THRB: variants seen among roughly 807,000 people sequenced by gnomAD.
THRB encodes the protein thyroid hormone receptor beta, also known as nuclear receptor subfamily 1 group A member 2.
A neutral mutation model predicts 47.8 loss-of-function variants in THRB; 12 were observed. The ratio of observed to expected loss-of-function variants is 0.25; its 90% confidence interval spans 0.16 to 0.41. The LOEUF (loss-of-function observed/expected upper bound fraction) is 0.41. Among genes scored for constraint, THRB ranks in the 10% least tolerant of loss-of-function variants. THRB has a pLI of 1.00. For synonymous variants in THRB, 218 were observed against 212.2 expected (o/e 1.03, Z -0.24); for missense variants, 348 against 589.2 (o/e 0.59, Z 4.24).
At chr3:24,223,749 AATAT>A (rs1219837070) in intron 4 of THRB, among the ~76,000 whole-genome samples, 2 of 152,106 alleles carry the variant, frequency 1.3e-5, no homozygotes, top group African/African-American at 4.8e-5. Flanking sequence ...AATTGAGAAA[AATAT>A]ATATACTGTT....
intron 1 of THRB, among the ~76,000 whole-genome samples, chr3:24,380,809 G>A (rs1443618729): frequency 1.3e-5 from 2 of 152,048 alleles, no homozygotes; most frequent in Non-Finnish European, 2.9e-5. Context: ...TATTGCCAAG[G>A]TCACACGGTC....
intron 1 of THRB, among the ~76,000 whole-genome samples, chr3:24,396,665 G>A (rs990181893): frequency 2.0e-5 from 3 of 152,110 alleles, no homozygotes; most frequent in African/African-American, 7.2e-5. Flanking sequence ...CAAGTAACCT[G>A]TGTGTTTAGG....
chr3:24,303,976 C>T (rs1353058185), intron 2 of THRB, among the ~76,000 whole-genome samples: 3 of 152,028 alleles, frequency 2.0e-5, no homozygotes, highest in Admixed American at 1.3e-4. Context: ...TTTGAGATGG[C>T]TTTGGAATGT....
intron 3 of THRB, among the ~76,000 whole-genome samples, chr3:24,239,656 A>G (rs1489966039): frequency 1.3e-5 from 2 of 152,036 alleles, no homozygotes; most frequent in Non-Finnish European, 2.9e-5. Context: ...AGGTCTGGGT[A>G]GGAAGGTTAT....
chr3:24,348,056 A>G (rs1350953658), intron 1 of THRB, among the ~76,000 whole-genome samples: 1 of 152,146 alleles, frequency 6.6e-6, no homozygotes, highest in Non-Finnish European at 1.5e-5. Flanking sequence ...ATCAACTAGT[A>G]TTTTTTATGA....
chr3:24,341,571 A>G (rs1379550158), intron 1 of THRB, among the ~76,000 whole-genome samples: 1 of 152,128 alleles, frequency 6.6e-6, no homozygotes, highest in Admixed American at 6.5e-5. Flanking sequence ...AGTATTGTTA[A>G]CAATAGGCAC....
chr3:24,310,734 G>T (rs1425647451), intron 2 of THRB, among the ~76,000 whole-genome samples: 1 of 152,116 alleles, frequency 6.6e-6, no homozygotes, highest in Admixed American at 6.5e-5. Context: ...TCACCATTGG[G>T]TATGGGGTTT....
intron 2 of THRB, among the ~76,000 whole-genome samples, chr3:24,301,963 A>T (rs1040459634): frequency 6.6e-6 from 1 of 152,094 alleles, no homozygotes; most frequent in South Asian, 2.1e-4. Flanking sequence ...AAGAAAGTTG[A>T]TTCTCCCTCA....
intron 1 of THRB, among the ~76,000 whole-genome samples, chr3:24,392,660 C>T (rs2066661071): frequency 6.6e-6 from 1 of 152,004 alleles, no homozygotes; most frequent in South Asian, 2.1e-4. Context: ...TCAGCAGAAA[C>T]GGGGAGTGTA....
intron 2 of THRB, among the ~76,000 whole-genome samples, chr3:24,326,298 C>A: frequency 6.6e-6 from 1 of 152,182 alleles, no homozygotes. Flanking sequence ...TGCAATGGCA[C>A]AGTCTCGGCT....
chr3:24,183,726 C>T (rs578065672), intron 5 of THRB, among the ~76,000 whole-genome samples: 49 of 142,596 alleles, frequency 3.4e-4, no homozygotes, highest in African/African-American at 9.8e-4. Context: ...AAATATCTTT[C>T]ATCTTTACAA....
chr3:24,350,927 T>G (rs1304208195), intron 1 of THRB, among the ~76,000 whole-genome samples: 1 of 152,148 alleles, frequency 6.6e-6, no homozygotes, highest in Non-Finnish European at 1.5e-5. Context: ...ACAGCTTACA[T>G]CAGGGAAAAT....
At chr3:24,206,954 G>A (rs1173990626) in intron 4 of THRB, among the ~76,000 whole-genome samples, 1 of 152,096 alleles carries the variant, frequency 6.6e-6, no homozygotes, top group Non-Finnish European at 1.5e-5. Flanking sequence ...CCAGGAAGTT[G>A]AATCCCTGAA....
At chr3:24,377,532 G>A (rs183136031) in intron 1 of THRB, among the ~76,000 whole-genome samples, 1 of 152,266 alleles carries the variant, frequency 6.6e-6, no homozygotes, top group Admixed American at 6.5e-5. Context: ...TTTCATTTGT[G>A]CCCTTGGATT....
At chr3:24,471,453 G>A (rs2074563624) in intron 1 of THRB, among the ~76,000 whole-genome samples, 1 of 152,068 alleles carries the variant, frequency 6.6e-6, no homozygotes, top group South Asian at 2.1e-4. Context: ...TTAGAATTTG[G>A]GCCTCCAACA....
chr3:24,453,486 CATTTT>C lies in THRB; in HGVS notation c.-261+41161_-261+41165del, dbSNP rs533885896. The stretch of plus-strand genomic sequence containing the variant: ...TCACCTTACTCGTTTTCCACTGTCT[CATTTT>C]AGTTCAAGCTCACTGATTTTAGTCA... On this transcript the variant is annotated intron_variant, in intron 1 of 10. Coordinates refer to ENST00000646209, the MANE Select transcript of THRB (RefSeq NM_001354712.2). 1.2e-4 allele frequency among the ~76,000 whole-genome samples: 19 copies of C among 152,272 alleles called. 1 individual carries two copies. The South Asian group carries it at 3.9e-3, about 32-fold the overall frequency.
At position 24,228,067 on chromosome 3, in the gene THRB, A is replaced by G. The variant is rs567076681; in HGVS notation, c.22+871T>C. Reference sequence around the variant, plus strand: ...TTGCAAATTTGAAATCTCTGGACACATGGGGCTTCATTCCTTCTTGTCAGT... The same window carrying G: ...TTGCAAATTTGAAATCTCTGGACACGTGGGGCTTCATTCCTTCTTGTCAGT... On this transcript the variant is annotated intron_variant, in intron 4 of 10. Transcript: ENST00000646209. Among the ~76,000 whole-genome samples the G allele has an allele frequency of 8.5e-5, 13 of 152,340 alleles. No individual in the cohort carries two copies. The South Asian group carries it at 2.5e-3, about 29-fold the overall frequency.
intron 1 of THRB, among the ~76,000 whole-genome samples, chr3:24,423,434 A>T (rs867242996): frequency 1.3e-5 from 2 of 151,046 alleles, no homozygotes; most frequent in South Asian, 2.1e-4. Context: ...TTTTTTTTTT[A>T]AAGTGGAAAG....
chr3:24,342,457 C>G (rs75883031), intron 1 of THRB, among the ~76,000 whole-genome samples: 1 of 152,256 alleles, frequency 6.6e-6, no homozygotes, highest in African/African-American at 2.4e-5. Flanking sequence ...AAAGCTTTAA[C>G]TGGCCACTCC....
Sources: allele counts gnomAD v4.1 joint callset (sites outside exome capture counted in the v4.1 genomes callset), GRCh38; gene constraint gnomAD v4.1.1; transcripts MANE v1.5; gene names NCBI Gene and HGNC (gene_info 2026-07-23, HGNC 2026-07-21).